PARD3: variants seen among roughly 807,000 people sequenced by gnomAD.
PARD3 encodes partitioning defective 3 homolog.
A neutral mutation model predicts 155.4 loss-of-function variants in PARD3; 75 were observed. The ratio of observed to expected loss-of-function variants is 0.48; its 90% CI spans 0.40 to 0.58. The LOEUF (loss-of-function observed/expected upper bound fraction) is 0.58. Ranked by LOEUF, PARD3 falls within the 20% of genes least tolerant of loss-of-function variation. The probability of loss-of-function intolerance (pLI) is 0.00; values close to 1 mark genes in which losing one functional copy is unlikely to be tolerated. For missense variants in PARD3, 1,642 were observed against 1,721.7 expected (o/e 0.95, Z 0.82); for synonymous variants, 576 against 610.5 (o/e 0.94, Z 0.83).
At chr10:34,558,544 T>C (rs2085198105) in intron 2 of PARD3, among the ~76,000 whole-genome samples, 1 of 152,206 alleles carries the variant, frequency 6.6e-6, no homozygotes, top group Non-Finnish European at 1.5e-5. Context: ...AGCTATATTA[T>C]TCCAGAGAAA....
chr10:34,694,965 G>C (rs1306747349), intron 2 of PARD3, among the ~76,000 whole-genome samples: 1 of 152,140 alleles, frequency 6.6e-6, no homozygotes, highest in African/African-American at 2.4e-5. Context: ...GGTGGGGAGA[G>C]GGCCAGGAAT....
chr10:34,535,814 T>TAA, intron 2 of PARD3, among the ~76,000 whole-genome samples: 2 of 100,268 alleles, frequency 2.0e-5, no homozygotes, highest in South Asian at 5.7e-4. Flanking sequence ...ACAATTATCT[T>TAA]TAAAAAAAAA....
intron 2 of PARD3, among the ~76,000 whole-genome samples, chr10:34,570,838 A>C (rs145401464): frequency 6.6e-6 from 1 of 152,218 alleles, no homozygotes; most frequent in Non-Finnish European, 1.5e-5. Flanking sequence ...TGACAGCATT[A>C]TTATGAAAAT....
intron 1 of PARD3, among the ~76,000 whole-genome samples, chr10:34,746,816 A>G (rs1480906863): frequency 6.6e-6 from 1 of 152,224 alleles, no homozygotes; most frequent in Non-Finnish European, 1.5e-5. Flanking sequence ...TAAAACATAA[A>G]TAAGTTTCTG....
intron 11 of PARD3, among the ~76,000 whole-genome samples, chr10:34,374,063 T>G (rs994873593): frequency 6.6e-6 from 1 of 152,150 alleles, no homozygotes; most frequent in African/African-American, 2.4e-5. Flanking sequence ...TTTGAAATAT[T>G]TAAAATACCA....
chr10:34,363,863 T>C (rs925429174), intron 12 of PARD3, among the ~76,000 whole-genome samples: 3 of 152,200 alleles, frequency 2.0e-5, no homozygotes, highest in African/African-American at 7.2e-5. Context: ...TTTGCCCATT[T>C]CTCCATTACC....
At chr10:34,425,773 C>T (rs1250137887) in intron 5 of PARD3, among the ~76,000 whole-genome samples, 1 of 152,168 alleles carries the variant, frequency 6.6e-6, no homozygotes, top group Non-Finnish European at 1.5e-5. Context: ...GATTTTAATC[C>T]CCTTCTAGTT....
intron 22 of PARD3, among the ~76,000 whole-genome samples, chr10:34,174,244 C>T (rs1398196867): frequency 3.9e-5 from 6 of 152,138 alleles, no homozygotes; most frequent in African/African-American, 1.2e-4. Context: ...TAAATTCATC[C>T]GGTGAGAATT....
intron 2 of PARD3, among the ~76,000 whole-genome samples, chr10:34,691,709 A>G (rs2094065068): frequency 6.6e-6 from 1 of 152,260 alleles, no homozygotes; most frequent in Non-Finnish European, 1.5e-5. Context: ...AGGCTACAGT[A>G]ACCAAAACAG....
chr10:34,387,393 C>T (rs1842459400), intron 7 of PARD3, among the ~76,000 whole-genome samples: 1 of 152,084 alleles, frequency 6.6e-6, no homozygotes, highest in African/African-American at 2.4e-5. Context: ...CAACTTAAAA[C>T]AGTGTAACTT....
At chr10:34,309,669 G>T (rs992714953) in intron 20 of PARD3, among the ~76,000 whole-genome samples, 1 of 150,124 alleles carries the variant, frequency 6.7e-6, no homozygotes, top group Non-Finnish European at 1.5e-5. Context: ...GGGAAGAGAG[G>T]ACCAGAATGG....
chr10:34,478,922 C>T (rs886295683), intron 3 of PARD3, among the ~76,000 whole-genome samples: 3 of 152,124 alleles, frequency 2.0e-5, no homozygotes, highest in African/African-American at 7.2e-5. Flanking sequence ...AATTCTCACT[C>T]TGAAACTGAC....
chr10:34,766,422 A>C (rs1276670974), intron 1 of PARD3, among the ~76,000 whole-genome samples: 2 of 152,158 alleles, frequency 1.3e-5, no homozygotes, highest in Non-Finnish European at 2.9e-5. Context: ...ACAGCAAAAC[A>C]TTTCAATAAG....
In PARD3 at chr10:34,111,240, G is replaced by T; in HGVS notation, c.3991C>A (p.Pro1331Thr). 6.2e-7 allele frequency: 1 copy of T among 1,611,756 alleles called. No homozygotes were observed. Among genetic ancestry groups the T allele is most frequent in the Non-Finnish European group, 8.5e-7 (1 of 1,178,064 alleles). ...PKGPFRQDVP[P>T]SPSQVARLNR... ...AGCCTCGCAACCTGAGAAGGGGAGG[G>T]GGGCACATCTTGCCGGAAGGGCCCC... The change falls in exon 25 of 25, where the codon CCC (proline) becomes ACC (threonine). Residue 1331 changes from proline (P) to threonine (T), a missense_variant. This residue lies in a region of PARD3 where 1,529 missense variants were observed against 1,587.3 expected (regional missense o/e 0.96). Coordinates refer to ENST00000374788, the MANE Select transcript of PARD3 (RefSeq NM_001184785.2).
At chr10:34,387,319 T>A (rs2132047668) in intron 7 of PARD3, among the ~76,000 whole-genome samples, 1 of 152,344 alleles carries the variant, frequency 6.6e-6, no homozygotes, top group Non-Finnish European at 1.5e-5. Context: ...TAGCAGTTAA[T>A]TAGCACCGAT....
intron 2 of PARD3, among the ~76,000 whole-genome samples, chr10:34,550,492 C>A (rs942338224): frequency 2.4e-4 from 37 of 152,340 alleles, no homozygotes; most frequent in African/African-American, 8.9e-4. Context: ...GGATTACAGG[C>A]ATGAGCCATC....
chr10:34,679,382 G>C (rs1489982127), intron 2 of PARD3, among the ~76,000 whole-genome samples: 1 of 152,122 alleles, frequency 6.6e-6, no homozygotes, highest in East Asian at 1.9e-4. Flanking sequence ...AGCAGGGTGT[G>C]AGAGCACACA....
chr10:34,808,211 G>C (rs939787768), intron 1 of PARD3, among the ~76,000 whole-genome samples: 7 of 152,114 alleles, frequency 4.6e-5, no homozygotes, highest in African/African-American at 1.7e-4. Context: ...CTACTTGGGG[G>C]ACTGAGGCAG....
chr10:34,780,949 G>T (rs1034948263), intron 1 of PARD3, among the ~76,000 whole-genome samples: 3 of 152,150 alleles, frequency 2.0e-5, no homozygotes, highest in Admixed American at 2.0e-4. Context: ...CAGCTATAAC[G>T]GGAAACATAA....
Sources: allele counts gnomAD v4.1 joint callset (sites outside exome capture counted in the v4.1 genomes callset), GRCh38; gene constraint gnomAD v4.1.1; regional missense constraint gnomAD v4.1.1; transcripts MANE v1.5; gene names NCBI Gene and HGNC (gene_info 2026-07-23, HGNC 2026-07-21).